The following KCNG3 variants were observed in gnomAD, a reference collection of about 807,000 sequenced individuals.
KCNG3 encodes the protein potassium voltage-gated channel modifier subfamily G member 3, also known as voltage-gated potassium channel regulatory subunit KCNG3.
In KCNG3, 15 loss-of-function variants were observed where a neutral mutation model predicts 29.0. The ratio of observed to expected loss-of-function variants is 0.52; its 90% CI spans 0.35 to 0.80. The LOEUF is 0.80. Ranked by LOEUF, KCNG3 falls within the 30% of genes least tolerant of loss-of-function variation. KCNG3 has a pLI of 0.01. For synonymous variants in KCNG3, 322 were observed against 248.9 expected, an observed-to-expected ratio of 1.29 and a Z score of -2.76; for missense variants, 512 against 605.7, an observed-to-expected ratio of 0.85 and a Z score of 1.62.
At chr2:42,446,853 G>T (rs35843922) in intron 1 of KCNG3, among the ~76,000 whole-genome samples, 40,244 of 151,826 alleles carry the variant, frequency 0.27, 6,020 homozygotes, top group East Asian at 0.56. Context: ...AGAAAGAAAG[G>T]TCTCAGGCCA....
chr2:42,399,295 T>G, the KCNG3 span, among the ~76,000 whole-genome samples: 2 of 152,140 alleles, frequency 1.3e-5, no homozygotes. Context: ...TGGACTCAAG[T>G]GATCTGCCCT....
intron 1 of KCNG3, among the ~76,000 whole-genome samples, chr2:42,462,701 A>G (rs1003356300): frequency 1.3e-5 from 2 of 152,102 alleles, no homozygotes; most frequent in Non-Finnish European, 2.9e-5. Context: ...TAAATAAATA[A>G]TAAAAATTAA....
the KCNG3 span, among the ~76,000 whole-genome samples, chr2:42,424,579 C>T: frequency 1.6e-4 from 25 of 152,124 alleles, no homozygotes; most frequent in South Asian, 1.5e-3. Context: ...TATTATTTTT[C>T]CCCAAGAGAA....
At chr2:42,401,287 AAAG>A in the KCNG3 span, among the ~76,000 whole-genome samples, 5 of 150,472 alleles carry the variant, frequency 3.3e-5, no homozygotes, top group Admixed American at 2.7e-4. Context: ...CACATTTTAA[AAAG>A]AAGAAAACAA....
chr2:42,470,898 C>G (rs958426954), intron 1 of KCNG3, among the ~76,000 whole-genome samples: 1 of 146,070 alleles, frequency 6.8e-6, no homozygotes, highest in Non-Finnish European at 1.5e-5. Flanking sequence ...GGCTCTCACA[C>G]CTGTAATCCC....
chr2:42,455,217 T>A (rs1672849758), intron 1 of KCNG3, among the ~76,000 whole-genome samples: 1 of 152,198 alleles, frequency 6.6e-6, no homozygotes, highest in Non-Finnish European at 1.5e-5. Flanking sequence ...CTCAAACTCC[T>A]GGCCTCCCAA....
the KCNG3 span, among the ~76,000 whole-genome samples, chr2:42,417,539 C>G: frequency 6.6e-6 from 1 of 152,194 alleles, no homozygotes; most frequent in African/African-American, 2.4e-5. Context: ...CCAGGCTGGT[C>G]TTGAAATCCT....
At chr2:42,487,084 G>A (rs933683816) in intron 1 of KCNG3, among the ~76,000 whole-genome samples, 1 of 149,398 alleles carries the variant, frequency 6.7e-6, no homozygotes, top group Non-Finnish European at 1.5e-5. Context: ...TTGAACCCAG[G>A]AGGCAGAGGT....
chr2:42,416,877 G>T, the KCNG3 span, among the ~76,000 whole-genome samples: 1 of 151,548 alleles, frequency 6.6e-6, no homozygotes, highest in Non-Finnish European at 1.5e-5. Context: ...TATGTTAACT[G>T]CTCTGATTTG....
chr2:42,407,133 T>C, the KCNG3 span, among the ~76,000 whole-genome samples: 6 of 152,150 alleles, frequency 3.9e-5, no homozygotes, highest in East Asian at 1.9e-4. Flanking sequence ...CATTTGTCAG[T>C]TGTCTTTTCA....
the KCNG3 span, among the ~76,000 whole-genome samples, chr2:42,419,219 C>CTTTTTTTTT: frequency 0.011 from 308 of 27,744 alleles, 93 homozygotes; most frequent in East Asian, 0.038. Context: ...GATGGTATCT[C>CTTTTTTTTT]TTTTTTTTTT....
chr2:42,482,348 G>A (rs189682985), intron 1 of KCNG3, among the ~76,000 whole-genome samples: 33 of 151,734 alleles, frequency 2.2e-4, no homozygotes, highest in Admixed American at 1.9e-3. Context: ...GGAGGCCAAG[G>A]CAGGAGAATT....
intron 1 of KCNG3, among the ~76,000 whole-genome samples, chr2:42,445,447 T>C (rs1442675945): frequency 2.0e-5 from 3 of 152,138 alleles, no homozygotes; most frequent in Non-Finnish European, 4.4e-5. Context: ...CGAGCAAGTT[T>C]ATGGGGAACT....
At chr2:42,488,305 A>G (rs1318533051) in intron 1 of KCNG3, among the ~76,000 whole-genome samples, 1 of 152,210 alleles carries the variant, frequency 6.6e-6, no homozygotes, top group Non-Finnish European at 1.5e-5. Context: ...GGAGGTTCAT[A>G]AAAGTAAACC....
rs141869773 is a variant in KCNG3, at chr2:42,473,498, C to T, written c.665+19339G>A. Among the ~76,000 whole-genome samples, 449 of 152,086 alleles carry T rather than the reference C, an allele frequency of 3.0e-3. 2 individuals are homozygous for T. Among genetic ancestry groups the T allele is most frequent in the African/African-American group, 0.011 (438 of 41,504 alleles). On this transcript the variant is annotated intron_variant, in intron 1 of 1. Transcript: ENST00000306078. ...CTGAGTAGCTGGGACTACAGGCACACACCACCATGCCTGACTAATTTTTGT... is the reference window on the plus strand; with the variant it reads ...CTGAGTAGCTGGGACTACAGGCACATACCACCATGCCTGACTAATTTTTGT...
At chr2:42,421,707 C>G in the KCNG3 span, among the ~76,000 whole-genome samples, 2 of 152,050 alleles carry the variant, frequency 1.3e-5, no homozygotes, top group African/African-American at 4.8e-5. Context: ...AGCAAAATAC[C>G]TCAGAATCTT....
chr2:42,408,155 C>T, the KCNG3 span, among the ~76,000 whole-genome samples: 2 of 152,256 alleles, frequency 1.3e-5, no homozygotes, highest in South Asian at 2.1e-4. Flanking sequence ...GAGGGCAGCT[C>T]AGCACTGGCT....
At chr2:42,418,350 G>A in the KCNG3 span, among the ~76,000 whole-genome samples, 2 of 152,122 alleles carry the variant, frequency 1.3e-5, no homozygotes, top group South Asian at 2.1e-4. Context: ...ATCTGTTTAT[G>A]GACAGCTGGG....
chr2:42,389,129 G>A, the KCNG3 span, among the ~76,000 whole-genome samples: 2 of 152,094 alleles, frequency 1.3e-5, no homozygotes, highest in Admixed American at 6.6e-5. Context: ...TGTTGGCCAG[G>A]CTGGTCTCAA....
Sources: allele counts gnomAD v4.1 joint callset (sites outside exome capture counted in the v4.1 genomes callset), GRCh38; gene constraint gnomAD v4.1.1; transcripts MANE v1.5; gene names NCBI Gene and HGNC (gene_info 2026-07-23, HGNC 2026-07-21).